FGF13: variants seen among roughly 807,000 people sequenced by gnomAD.
The protein encoded by FGF13 is fibroblast growth factor 13.
A neutral mutation model predicts 19.5 loss-of-function variants in FGF13; 2 were observed. The ratio of observed to expected loss-of-function variants is 0.10; its 90% CI spans 0.04 to 0.32. The LOEUF is 0.32. Ranked by LOEUF, FGF13 falls within the 10% of genes least tolerant of loss-of-function variation. FGF13 has a pLI of 1.00. For missense variants in FGF13, 113 were observed against 192.7 expected (o/e 0.59, Z 2.45); for synonymous variants, 72 against 76.9 (o/e 0.94, Z 0.33).
intron 1 of FGF13, among the ~76,000 whole-genome samples, chrX:139,136,106 C>T (rs1451929273): frequency 8.9e-6 from 1 of 111,977 alleles, no homozygotes; most frequent in Non-Finnish European, 1.9e-5. Flanking sequence ...CTCTTCAGGG[C>T]TACCCTTGCC....
intron 3 of FGF13, among the ~76,000 whole-genome samples, chrX:138,802,653 T>C (rs2090838294): frequency 9.0e-6 from 1 of 111,634 alleles, no homozygotes; most frequent in Admixed American, 9.5e-5. Context: ...TGTCCTAGTT[T>C]TCTTCTTACC....
At chrX:139,106,732 A>C (rs900188000) in intron 1 of FGF13, among the ~76,000 whole-genome samples, 9 of 112,851 alleles carry the variant, frequency 8.0e-5, no homozygotes, top group Non-Finnish European at 1.7e-4. Flanking sequence ...AATACTACAT[A>C]AAGTTCAAAT....
chrX:138,805,077 T>C (rs1452215636), intron 3 of FGF13, among the ~76,000 whole-genome samples: 1 of 112,156 alleles, frequency 8.9e-6, no homozygotes, highest in Non-Finnish European at 1.9e-5. Flanking sequence ...AAAAGGCAGA[T>C]GCTTTAAGCA....
chrX:138,782,471 G>A (rs1249482862), intron 3 of FGF13, among the ~76,000 whole-genome samples: 7 of 110,446 alleles, frequency 6.3e-5, no homozygotes, highest in African/African-American at 2.3e-4. Flanking sequence ...AAAGTCTCAG[G>A]ATACAAAATC....
chrX:139,045,617 C>G (rs746436605), intron 1 of FGF13, among the ~76,000 whole-genome samples: 9 of 112,421 alleles, frequency 8.0e-5, no homozygotes, highest in Non-Finnish European at 1.3e-4. Context: ...CAGGGTAGCT[C>G]TTGAATGCTT....
At chrX:138,921,433 C>A (rs140096336) in intron 1 of FGF13, among the ~76,000 whole-genome samples, 333 of 111,723 alleles carry the variant, frequency 3.0e-3, no homozygotes, top group African/African-American at 0.01. Flanking sequence ...AGTATTAATT[C>A]TTACTCCAAT....
chrX:138,717,838 C>G (rs955293519), intron 1 of FGF13, among the ~76,000 whole-genome samples: 2 of 111,144 alleles, frequency 1.8e-5, no homozygotes, highest in African/African-American at 6.6e-5. Flanking sequence ...CTATCTATCT[C>G]CTGGCTTCAA....
chrX:139,078,602 T>A (rs976727999), intron 1 of FGF13, among the ~76,000 whole-genome samples: 4 of 112,840 alleles, frequency 3.5e-5, no homozygotes, highest in Non-Finnish European at 5.6e-5. Context: ...TACATTTGAA[T>A]TGGAAAAGTA....
intron 1 of FGF13, among the ~76,000 whole-genome samples, chrX:138,876,690 G>A (rs765203729): frequency 8.9e-6 from 1 of 112,177 alleles, no homozygotes; most frequent in South Asian, 3.8e-4. Context: ...GTGAGATACT[G>A]AGCTACCTAT....
intron 1 of FGF13, among the ~76,000 whole-genome samples, chrX:138,871,370 G>T (rs769447942): frequency 4.9e-4 from 53 of 109,172 alleles, no homozygotes; most frequent in African/African-American, 1.8e-3. Flanking sequence ...TATAGAAGAT[G>T]GGGGGGGAAC....
At chrX:138,675,625 T>A (rs928680130) in intron 3 of FGF13, among the ~76,000 whole-genome samples, 1 of 111,534 alleles carries the variant, frequency 9.0e-6, no homozygotes, top group South Asian at 3.7e-4. Context: ...TCATATTTAT[T>A]CTATTTTGAT....
chrX:139,129,417 A>G (rs1007928152), intron 1 of FGF13, among the ~76,000 whole-genome samples: 2 of 110,616 alleles, frequency 1.8e-5, no homozygotes, highest in African/African-American at 6.6e-5. Context: ...GACAGCCTAA[A>G]TCCCACCCTT....
In FGF13 at chrX:138,949,863, C is replaced by T. The variant is rs143060750; in HGVS notation, c.-112-85213G>A. 4.1e-4 allele frequency among the ~76,000 whole-genome samples: 46 copies of T among 111,857 alleles called. No homozygotes were observed. The East Asian group carries it at 0.013, about 32-fold the overall frequency. On this transcript the variant is annotated intron_variant, in intron 1 of 2. Coordinates refer to the FGF13 transcript ENST00000421460. ...TAGAATAATTTGCATTGGGAGAACA[C>T]CAGTAGATGTAGTTCTAAACACTTG...
chrX:138,743,079 A>T (rs2090330502), upstream of FGF13, among the ~76,000 whole-genome samples: 1 of 111,652 alleles, frequency 9.0e-6, no homozygotes, highest in South Asian at 3.8e-4. Flanking sequence ...TATCCACACA[A>T]AAACCTGCAC....
At chrX:138,778,365 G>C (rs1294678805) in intron 3 of FGF13, among the ~76,000 whole-genome samples, 1 of 111,580 alleles carries the variant, frequency 9.0e-6, no homozygotes, top group African/African-American at 3.3e-5. Flanking sequence ...CATGAGGGAG[G>C]CAGAAGACAG....
At chrX:139,162,048 T>C (rs1603227291) in intron 1 of FGF13, among the ~76,000 whole-genome samples, 2 of 112,200 alleles carry the variant, frequency 1.8e-5, no homozygotes, top group South Asian at 7.4e-4. Flanking sequence ...AAAAAACTAC[T>C]TTAAATTTCA....
At chrX:138,840,311 GA>G (rs1163343717) in intron 3 of FGF13, among the ~76,000 whole-genome samples, 2 of 111,849 alleles carry the variant, frequency 1.8e-5, no homozygotes, top group Non-Finnish European at 3.8e-5. Context: ...TGGGGAGTTT[GA>G]AAACCTTTAG....
rs551746005 is a variant in FGF13 at position 138,887,611 on chromosome X, G to T, written c.-112-22961C>A. 4.5e-5 allele frequency among the ~76,000 whole-genome samples: 5 copies of T among 111,700 alleles called. No homozygotes were observed. The South Asian group carries it at 1.9e-3, about 43-fold the overall frequency. On this transcript the variant is annotated intron_variant, in intron 1 of 2. Coordinates refer to the FGF13 transcript ENST00000421460. ...AGAATGAAAGCTCCTAGAGGGGAGA[G>T]ACAATATATAAATGTGTTCATCCAG...
At chrX:138,880,316 C>A (rs2091415827) in intron 1 of FGF13, among the ~76,000 whole-genome samples, 1 of 111,905 alleles carries the variant, frequency 8.9e-6, no homozygotes, top group Admixed American at 9.5e-5. Flanking sequence ...TTTGACCCAG[C>A]AATCCCACTA....
Sources: gnomAD v4.1 joint callset for allele counts (sites outside exome capture counted in the v4.1 genomes callset) on GRCh38, gnomAD v4.1.1 for gene constraint, MANE v1.5 for transcripts, NCBI Gene and HGNC (gene_info 2026-07-23, HGNC 2026-07-21) for gene names.